The following CSMD3 variants were observed in gnomAD, a reference collection of about 807,000 sequenced individuals.
The protein encoded by CSMD3 is CUB and sushi domain-containing protein 3.
CSMD3 carries 177 observed loss-of-function variants against 435.2 expected under a neutral mutation model. That is an observed-to-expected ratio of 0.41 (90% CI 0.36 to 0.46). CSMD3 has a LOEUF of 0.46. CSMD3 is among the 20% of genes least tolerant of loss of function. CSMD3 has a pLI of 0.34. For synonymous variants in CSMD3, 1,656 were observed against 1,520.5 expected, an observed-to-expected ratio of 1.09 and a Z score of -2.07; for missense variants, 4,265 against 4,504.6, an observed-to-expected ratio of 0.95 and a Z score of 1.52.
chr8:113,282,314 T>C (rs2093618658), intron 2 of CSMD3, among the ~76,000 whole-genome samples: 2 of 151,990 alleles, frequency 1.3e-5, no homozygotes, highest in Admixed American at 1.3e-4. Context: ...TATGATCGTT[T>C]ACCTTGAAAA....
At chr8:112,457,763 T>C (rs904488531) in intron 32 of CSMD3, among the ~76,000 whole-genome samples, 1 of 152,016 alleles carries the variant, frequency 6.6e-6, no homozygotes, top group African/African-American at 2.4e-5. Context: ...ATACTCCTTA[T>C]CTTGGCTGTA....
At chr8:113,134,872 G>C (rs117059679) in intron 4 of CSMD3, among the ~76,000 whole-genome samples, 4 of 152,038 alleles carry the variant, frequency 2.6e-5, no homozygotes, top group Non-Finnish European at 5.9e-5. Flanking sequence ...TGAAGGCCCC[G>C]TGCTGCATTA....
chr8:112,332,339 A>C (rs1198688225), intron 45 of CSMD3, among the ~76,000 whole-genome samples: 1 of 152,188 alleles, frequency 6.6e-6, no homozygotes, highest in African/African-American at 2.4e-5. Context: ...AAAAGACTTA[A>C]ATAACTGAAG....
intron 13 of CSMD3, among the ~76,000 whole-genome samples, chr8:112,763,910 C>A (rs1232016141): frequency 6.6e-6 from 1 of 151,094 alleles, no homozygotes; most frequent in Non-Finnish European, 1.5e-5. Flanking sequence ...TTCTTGCTGG[C>A]AGCTCCATAT....
intron 4 of CSMD3, among the ~76,000 whole-genome samples, chr8:113,136,667 A>G (rs1423451604): frequency 2.0e-5 from 3 of 151,664 alleles, no homozygotes; most frequent in South Asian, 2.1e-4. Context: ...AGGTGAATGG[A>G]AAGTGAGGAA....
chr8:113,190,227 T>C (rs561350874), intron 3 of CSMD3, among the ~76,000 whole-genome samples: 2 of 151,926 alleles, frequency 1.3e-5, no homozygotes, highest in South Asian at 2.1e-4. Flanking sequence ...CAATATATAC[T>C]CCTTTTCTCA....
chr8:113,083,954 C>A (rs957439966), intron 5 of CSMD3, among the ~76,000 whole-genome samples: 1 of 151,754 alleles, frequency 6.6e-6, no homozygotes, highest in Non-Finnish European at 1.5e-5. Context: ...GTCTGGACAA[C>A]AGAGCAAGAT....
chr8:112,622,175 A>G (rs1834126555), intron 22 of CSMD3, among the ~76,000 whole-genome samples: 1 of 152,176 alleles, frequency 6.6e-6, no homozygotes, highest in African/African-American at 2.4e-5. Flanking sequence ...CATATAACTT[A>G]AACAAATTAA....
intron 49 of CSMD3, among the ~76,000 whole-genome samples, chr8:112,312,773 A>T: frequency 6.6e-6 from 1 of 152,322 alleles, no homozygotes; most frequent in South Asian, 2.1e-4. Flanking sequence ...TTCTATTCAT[A>T]CATTTTATAT....
intron 13 of CSMD3, among the ~76,000 whole-genome samples, chr8:112,798,151 G>C (rs1377609605): frequency 6.6e-6 from 1 of 151,882 alleles, no homozygotes; most frequent in African/African-American, 2.4e-5. Flanking sequence ...TTGCCTTGAA[G>C]GATGAGCGAG....
intron 32 of CSMD3, among the ~76,000 whole-genome samples, chr8:112,456,453 A>G (rs1380838962): frequency 1.3e-5 from 2 of 152,142 alleles, no homozygotes; most frequent in Non-Finnish European, 2.9e-5. Flanking sequence ...TACTATTAAG[A>G]AAACATAAAT....
chr8:112,980,498 A>T (rs1044505447), intron 6 of CSMD3, among the ~76,000 whole-genome samples: 14 of 151,568 alleles, frequency 9.2e-5, no homozygotes, highest in Admixed American at 1.3e-4. Flanking sequence ...GTTTAACATT[A>T]AAACATCTAA....
chr8:112,791,561 A>G (rs1372235396), intron 13 of CSMD3, among the ~76,000 whole-genome samples: 1 of 152,106 alleles, frequency 6.6e-6, no homozygotes, highest in Non-Finnish European at 1.5e-5. Context: ...ATGTGTTAAG[A>G]GTATTTTCTT....
intron 30 of CSMD3, 86 bp from the exon 31 acceptor site, chr8:112,492,769 G>C: frequency 9.4e-7 from 1 of 1,060,868 alleles, no homozygotes; most frequent in Non-Finnish European, 1.5e-6. Flanking sequence ...TGTGGATTCA[G>C]CCAACTGCAG....
chr8:112,913,639 C>T (rs2082489595), intron 10 of CSMD3, among the ~76,000 whole-genome samples: 1 of 151,902 alleles, frequency 6.6e-6, no homozygotes, highest in South Asian at 2.1e-4. Context: ...TGCTCCTCCA[C>T]ATTTCACTCA....
chr8:112,435,920 A>T (rs1814286104), intron 32 of CSMD3, among the ~76,000 whole-genome samples: 1 of 152,050 alleles, frequency 6.6e-6, no homozygotes, highest in Non-Finnish European at 1.5e-5. Context: ...ATTTATGACC[A>T]TAATGCATTT....
intron 30 of CSMD3, among the ~76,000 whole-genome samples, chr8:112,497,463 A>G (rs1370901137): frequency 1.4e-5 from 2 of 139,452 alleles, no homozygotes; most frequent in African/African-American, 5.7e-5. Context: ...GTATCAAAAT[A>G]TCTCATGTAC....
At chr8:112,800,017 TTAAA>T in intron 13 of CSMD3, 141 bp downstream of exon 13, 1 of 658,278 alleles carries the variant, frequency 1.5e-6, no homozygotes, top group Non-Finnish European at 2.7e-6. Context: ...ACATTTGTAG[TTAAA>T]TTAAGGAGGA....
intron 7 of CSMD3, among the ~76,000 whole-genome samples, chr8:112,956,625 C>T (rs1377153064): frequency 1.3e-5 from 2 of 152,010 alleles, no homozygotes. Context: ...ATTATCAGAC[C>T]AAAGGAGAAA....
Sources: gnomAD v4.1 joint callset for allele counts (sites outside exome capture counted in the v4.1 genomes callset) on GRCh38, gnomAD v4.1.1 for gene constraint, MANE v1.5 for transcripts, NCBI Gene and HGNC (gene_info 2026-07-23, HGNC 2026-07-21) for gene names.